Variants in WWOX observed in about 807,000 individuals in gnomAD.
WWOX encodes the protein WW domain-containing oxidoreductase.
In WWOX, 69 loss-of-function variants were observed where a neutral mutation model predicts 46.2. The observed-to-expected ratio is 1.49, with a 90% CI of 1.23 to 1.82. The LOEUF is 1.82. WWOX is among the 40% of genes most tolerant of loss of function. The pLI is 0.00. For missense variants in WWOX, 919 were observed against 542.6 expected, an observed-to-expected ratio of 1.69 and a Z score of -6.89; for synonymous variants, 359 against 202.6, an observed-to-expected ratio of 1.77 and a Z score of -6.56.
intron 8 of WWOX, among the ~76,000 whole-genome samples, chr16:78,766,425 C>A (rs886350064): frequency 6.6e-6 from 1 of 152,114 alleles, no homozygotes. Flanking sequence ...CAAGACCCCA[C>A]GTCTTAAAAA....
intron 8 of WWOX, among the ~76,000 whole-genome samples, chr16:78,869,703 T>G (rs2044084818): frequency 6.6e-6 from 1 of 152,208 alleles, no homozygotes; most frequent in Non-Finnish European, 1.5e-5. Context: ...CCACTCTGAT[T>G]TAGATGAGCA....
At chr16:78,679,261 G>A (rs1189734712) in intron 8 of WWOX, among the ~76,000 whole-genome samples, 5 of 152,176 alleles carry the variant, frequency 3.3e-5, no homozygotes, top group Non-Finnish European at 5.9e-5. Context: ...TAGAAAGATG[G>A]GTGAGGTGGC....
chr16:78,213,039 G>C (rs1027112067), intron 5 of WWOX, among the ~76,000 whole-genome samples: 6 of 151,986 alleles, frequency 3.9e-5, no homozygotes, highest in Non-Finnish European at 8.8e-5. Flanking sequence ...GATCACTTTA[G>C]GTCAGAAGTT....
intron 8 of WWOX, among the ~76,000 whole-genome samples, chr16:78,493,396 T>A (rs7204795): frequency 0.74 from 112,593 of 151,804 alleles, 44,131 homozygotes; most frequent in Admixed American, 0.86. Flanking sequence ...TGGCTTGATT[T>A]ATGCACACAA....
chr16:78,428,541 C>G (rs917802914), intron 7 of WWOX, among the ~76,000 whole-genome samples: 2 of 152,168 alleles, frequency 1.3e-5, no homozygotes, highest in East Asian at 3.9e-4. Context: ...TGAAACTGTC[C>G]TTCCTGGTTT....
At chr16:78,575,288 G>T (rs900639889) in intron 8 of WWOX, among the ~76,000 whole-genome samples, 1 of 149,700 alleles carries the variant, frequency 6.7e-6, no homozygotes, top group Non-Finnish European at 1.5e-5. Flanking sequence ...AAGTTGTTAA[G>T]ACTATCTAAG....
intron 8 of WWOX, among the ~76,000 whole-genome samples, chr16:78,863,428 G>C (rs909602511): frequency 6.6e-6 from 1 of 152,162 alleles, no homozygotes; most frequent in Non-Finnish European, 1.5e-5. Flanking sequence ...ATAATATGCA[G>C]CATTATATTC....
At chr16:78,254,764 A>G (rs2038082054) in intron 5 of WWOX, among the ~76,000 whole-genome samples, 1 of 152,080 alleles carries the variant, frequency 6.6e-6, no homozygotes. Flanking sequence ...CGCAAGTTCA[A>G]GCGATCTGCC....
chr16:79,182,408 T>C (rs2050930309), intron 8 of WWOX, among the ~76,000 whole-genome samples: 1 of 152,160 alleles, frequency 6.6e-6, no homozygotes, highest in Admixed American at 6.5e-5. Flanking sequence ...TATTTTTCCT[T>C]ATCCCGTTAA....
chr16:78,662,675 A>G (rs2047244523), intron 8 of WWOX, among the ~76,000 whole-genome samples: 1 of 152,200 alleles, frequency 6.6e-6, no homozygotes, highest in South Asian at 2.1e-4. Flanking sequence ...TGGATGAAGA[A>G]TTGAGCCTGG....
At chr16:78,602,457 C>T (rs1051226523) in intron 8 of WWOX, among the ~76,000 whole-genome samples, 3 of 152,166 alleles carry the variant, frequency 2.0e-5, no homozygotes, top group Non-Finnish European at 4.4e-5. Flanking sequence ...TGATCTCGAA[C>T]TCCTGCCCTT....
rs531071597 is a variant in WWOX at position 78,439,101 on chromosome 16, C to G, written c.1056+6349C>G. Among the ~76,000 whole-genome samples, 5 of 152,248 alleles carry G rather than the reference C, an allele frequency of 3.3e-5. No individual in the cohort carries two copies. The East Asian group carries it at 9.7e-4, about 29-fold the overall frequency. On this transcript the variant is annotated intron_variant, in intron 8 of 8. Transcript: ENST00000566780. ...TATAGATACTATCAAGGGCAAAGCCCCCTGTTTGAATGTGTATTGGTACAT... is the reference window on the plus strand; with the variant it reads ...TATAGATACTATCAAGGGCAAAGCCGCCTGTTTGAATGTGTATTGGTACAT...
intron 8 of WWOX, among the ~76,000 whole-genome samples, chr16:78,641,048 T>G (rs1203565388): frequency 2.0e-5 from 3 of 152,016 alleles, no homozygotes; most frequent in African/African-American, 7.2e-5. Context: ...TGAGCATTAC[T>G]GTAACATAGA....
At chr16:79,091,779 GTTTTTTTTTT>G (rs11329411) in intron 8 of WWOX, among the ~76,000 whole-genome samples, 1 of 109,130 alleles carries the variant, frequency 9.2e-6, no homozygotes, top group African/African-American at 3.7e-5. Context: ...TCTTTTCTTT[GTTTTTTTTTT>G]TTTTTTTTTT....
intron 8 of WWOX, among the ~76,000 whole-genome samples, chr16:78,634,808 A>T: frequency 8.2e-6 from 1 of 121,898 alleles, no homozygotes; most frequent in African/African-American, 3.3e-5. Context: ...TCAGCACCCG[A>T]CTGGAGAGAG....
intron 8 of WWOX, among the ~76,000 whole-genome samples, chr16:78,952,318 G>C (rs1167564138): frequency 2.0e-5 from 3 of 151,344 alleles, no homozygotes; most frequent in South Asian, 2.1e-4. Context: ...TCATAGTTCT[G>C]TGCATTTCCT....
chr16:78,740,438 C>T (rs905126031), intron 8 of WWOX, among the ~76,000 whole-genome samples: 4 of 152,110 alleles, frequency 2.6e-5, no homozygotes, highest in East Asian at 1.9e-4. Context: ...CTTTGGACCC[C>T]GGCTGGCTGC....
At chr16:78,446,132 T>A (rs986125129) in intron 8 of WWOX, among the ~76,000 whole-genome samples, 2 of 152,208 alleles carry the variant, frequency 1.3e-5, no homozygotes, top group Non-Finnish European at 2.9e-5. Flanking sequence ...TAAAAAGGTA[T>A]CAGTAGGGAT....
chr16:78,958,997 G>C (rs2046222643), intron 8 of WWOX, among the ~76,000 whole-genome samples: 2 of 152,044 alleles, frequency 1.3e-5, no homozygotes. Flanking sequence ...TTTCCCATCT[G>C]TGAAAAAAGG....
Sources: allele counts gnomAD v4.1 joint callset (sites outside exome capture counted in the v4.1 genomes callset), GRCh38; gene constraint gnomAD v4.1.1; transcripts MANE v1.5; gene names NCBI Gene and HGNC (gene_info 2026-07-23, HGNC 2026-07-21).